RGS7BP: variants seen among roughly 807,000 people sequenced by gnomAD.
The protein encoded by RGS7BP is regulator of G protein signaling 7-binding protein.
Under a neutral mutation model 31.3 loss-of-function variants are expected in RGS7BP, and 9 were observed. That is an observed-to-expected ratio of 0.29 (90% confidence interval 0.17 to 0.50). RGS7BP has a LOEUF of 0.50. Ranked by LOEUF, RGS7BP falls within the 20% of genes least tolerant of loss-of-function variation. The pLI is 0.98. For missense variants in RGS7BP, 274 were observed against 322.0 expected, an observed-to-expected ratio of 0.85 and a Z score of 1.14; for synonymous variants, 115 against 120.1, an observed-to-expected ratio of 0.96 and a Z score of 0.28.
At chr5:64,576,563 C>CT (rs1275143511) in intron 3 of RGS7BP, among the ~76,000 whole-genome samples, 4 of 152,162 alleles carry the variant, frequency 2.6e-5, no homozygotes, top group African/African-American at 9.7e-5. Flanking sequence ...ACACTGTCCT[C>CT]TAAGAGAGAG....
chr5:64,598,654 A>T (rs1270559529), intron 5 of RGS7BP, among the ~76,000 whole-genome samples: 1 of 152,162 alleles, frequency 6.6e-6, no homozygotes, highest in African/African-American at 2.4e-5. Flanking sequence ...CCTTAAAACG[A>T]ACTCCTTCTC....
chr5:64,574,306 C>T (rs1334287500), intron 2 of RGS7BP, among the ~76,000 whole-genome samples: 2 of 151,106 alleles, frequency 1.3e-5, no homozygotes, highest in Non-Finnish European at 3.0e-5. Context: ...GTGTATGTGT[C>T]TGGGTGTGTG....
At chr5:64,512,372 C>CA (rs1454035490) in intron 2 of RGS7BP, among the ~76,000 whole-genome samples, 1 of 152,180 alleles carries the variant, frequency 6.6e-6, no homozygotes, top group African/African-American at 2.4e-5. Flanking sequence ...GATTGATTCA[C>CA]AGAGTGGTTA....
At chr5:64,606,655 T>C (rs921521754) in intron 5 of RGS7BP, among the ~76,000 whole-genome samples, 1 of 152,078 alleles carries the variant, frequency 6.6e-6, no homozygotes, top group Admixed American at 6.6e-5. Flanking sequence ...CATTGATCAA[T>C]TCATGGTTAA....
At chr5:64,543,866 T>G (rs779975871) in intron 2 of RGS7BP, among the ~76,000 whole-genome samples, 13 of 152,212 alleles carry the variant, frequency 8.5e-5, no homozygotes, top group Non-Finnish European at 1.5e-4. Context: ...AACTGTAGAC[T>G]TCAATCACTA....
At position 64,583,377 on chromosome 5, in the gene RGS7BP, A is replaced by G. The variant is rs1279610929; in HGVS notation, c.463+7473A>G. Among the ~76,000 whole-genome samples the G allele has an allele frequency of 1.4e-4, 22 of 152,162 alleles. 1 individual carries two copies. Among genetic ancestry groups the G allele is most frequent in the Admixed American group, 1.2e-3 (18 of 15,262 alleles). On this transcript the variant is annotated intron_variant, in intron 3 of 5. Coordinates refer to ENST00000334025, the MANE Select transcript of RGS7BP (RefSeq NM_001029875.3). Reference sequence around the variant, plus strand: ...GCACTCCAGCCTGGGCGACAGAGCAAGACTCCATCTCCCCAGAAATGAAAA... The same window carrying G: ...GCACTCCAGCCTGGGCGACAGAGCAGGACTCCATCTCCCCAGAAATGAAAA...
intron 2 of RGS7BP, among the ~76,000 whole-genome samples, chr5:64,557,860 A>G (rs1463146888): frequency 1.3e-5 from 2 of 152,178 alleles, no homozygotes; most frequent in Non-Finnish European, 2.9e-5. Context: ...ATAAGATGTC[A>G]GTTCATATTA....
rs190044086 is a variant in RGS7BP, at chr5:64,576,523, C to T, written c.463+619C>T. ...TGGCTTCCCTCACATTAGCAAACTG[C>T]AGCAGTTGCAGTGAACACATCTGCA... On this transcript the variant is annotated intron_variant, in intron 3 of 5. Coordinates refer to ENST00000334025, the MANE Select transcript of RGS7BP (RefSeq NM_001029875.3). 2.3e-3 allele frequency among the ~76,000 whole-genome samples: 354 copies of T among 152,318 alleles called. 3 individuals are homozygous for T. Among genetic ancestry groups the T allele is most frequent in the African/African-American group, 7.4e-3 (308 of 41,566 alleles).
intron 5 of RGS7BP, among the ~76,000 whole-genome samples, chr5:64,600,388 A>G (rs1481013393): frequency 1.3e-5 from 2 of 152,184 alleles, no homozygotes; most frequent in African/African-American, 2.4e-5. Flanking sequence ...TAATAGAAAA[A>G]CAGAAATTTT....
intron 2 of RGS7BP, among the ~76,000 whole-genome samples, chr5:64,538,455 T>C (rs1052274390): frequency 4.6e-5 from 7 of 151,012 alleles, no homozygotes; most frequent in African/African-American, 1.5e-4. Flanking sequence ...TGTCAAAATA[T>C]CATCTAAGCT....
At chr5:64,537,356 G>A (rs77529452) in intron 2 of RGS7BP, among the ~76,000 whole-genome samples, 2,959 of 152,284 alleles carry the variant, frequency 0.019, 104 homozygotes, top group African/African-American at 0.066. Context: ...TGGGTCACTT[G>A]TAGCCCTTGT....
chr5:64,574,542 A>T (rs1458187856), intron 2 of RGS7BP, among the ~76,000 whole-genome samples: 2 of 152,164 alleles, frequency 1.3e-5, no homozygotes, highest in Non-Finnish European at 2.9e-5. Flanking sequence ...CTTTTGAGGT[A>T]CTTTATTCTG....
At chr5:64,608,872 C>G (rs1440629494) in intron 5 of RGS7BP, among the ~76,000 whole-genome samples, 1 of 152,072 alleles carries the variant, frequency 6.6e-6, no homozygotes, top group African/African-American at 2.4e-5. Context: ...CAGCCTTGAA[C>G]TCTTTTGCCT....
intron 2 of RGS7BP, chr5:64,539,487 A>G (rs1741468619): frequency 6.6e-6 from 1 of 152,106 alleles, no homozygotes; most frequent in Admixed American, 6.5e-5. Context: ...GTTTTCTTTT[A>G]GACGTTTTAT....
At chr5:64,587,505 G>T (rs1742790362) in intron 3 of RGS7BP, among the ~76,000 whole-genome samples, 1 of 152,102 alleles carries the variant, frequency 6.6e-6, no homozygotes, top group Admixed American at 6.5e-5. Flanking sequence ...CTGCTGTCAG[G>T]AAAATTAATG....
chr5:64,584,022 T>C (rs988330519), intron 3 of RGS7BP, among the ~76,000 whole-genome samples: 4 of 152,226 alleles, frequency 2.6e-5, no homozygotes, highest in African/African-American at 9.6e-5. Flanking sequence ...CAAAGCTCAA[T>C]GAGGTAAGTT....
intron 3 of RGS7BP, among the ~76,000 whole-genome samples, chr5:64,579,369 C>A (rs1338065762): frequency 6.6e-6 from 1 of 151,426 alleles, no homozygotes; most frequent in Non-Finnish European, 1.5e-5. Flanking sequence ...CATGGTGAAA[C>A]CCCATCTCTA....
intron 2 of RGS7BP, among the ~76,000 whole-genome samples, chr5:64,568,589 C>T (rs575627487): frequency 6.6e-6 from 1 of 152,168 alleles, no homozygotes; most frequent in African/African-American, 2.4e-5. Context: ...CTCCTTCAAC[C>T]ACCAATGCCC....
At chr5:64,551,628 A>G (rs1741799144) in intron 2 of RGS7BP, among the ~76,000 whole-genome samples, 1 of 150,284 alleles carries the variant, frequency 6.7e-6, no homozygotes, top group Non-Finnish European at 1.5e-5. Context: ...AATATTTCAA[A>G]TCAGCACTTG....
Sources: gnomAD v4.1 joint callset for allele counts (sites outside exome capture counted in the v4.1 genomes callset) on GRCh38, gnomAD v4.1.1 for gene constraint, MANE v1.5 for transcripts, NCBI Gene and HGNC (gene_info 2026-07-23, HGNC 2026-07-21) for gene names.